CNOT6: variants seen among roughly 807,000 people sequenced by gnomAD.
CNOT6 encodes the protein CCR4-NOT transcription complex subunit 6.
A neutral mutation model predicts 61.2 loss-of-function variants in CNOT6; 12 were observed. The ratio of observed to expected loss-of-function variants is 0.20; its 90% CI spans 0.13 to 0.32. The LOEUF (loss-of-function observed/expected upper bound fraction) is 0.32. CNOT6 is among the 10% of genes least tolerant of loss of function. CNOT6 has a pLI of 1.00. For synonymous variants in CNOT6, 225 were observed against 240.6 expected (o/e 0.94, Z 0.60); for missense variants, 405 against 663.9 (o/e 0.61, Z 4.28).
At chr5:180,522,027 A>C (rs1483798652) in intron 1 of CNOT6, among the ~76,000 whole-genome samples, 3 of 152,164 alleles carry the variant, frequency 2.0e-5, no homozygotes, top group Non-Finnish European at 2.9e-5. Context: ...TTTTGTAGAA[A>C]GATTTATTTT....
At chr5:180,542,667 G>T (rs899035269) in intron 2 of CNOT6, among the ~76,000 whole-genome samples, 1 of 152,114 alleles carries the variant, frequency 6.6e-6, no homozygotes, top group East Asian at 1.9e-4. Flanking sequence ...AATCACCCAC[G>T]TGATTTCAGA....
intron 11 of CNOT6, 134 bp from the exon 12 acceptor site, chr5:180,573,854 C>T: frequency 3.0e-6 from 2 of 658,454 alleles, no homozygotes; most frequent in Non-Finnish European, 5.4e-6. Flanking sequence ...TAGTACAGAC[C>T]TCATCCTACA....
At chr5:180,527,729 T>C (rs1192074653) in intron 1 of CNOT6, among the ~76,000 whole-genome samples, 3 of 152,168 alleles carry the variant, frequency 2.0e-5, no homozygotes, top group South Asian at 2.1e-4. Context: ...AGACTGATCA[T>C]TGGGTTTAGG....
chr5:180,559,181 C>T (rs1760047635), intron 4 of CNOT6, among the ~76,000 whole-genome samples: 3 of 152,114 alleles, frequency 2.0e-5, no homozygotes, highest in East Asian at 3.8e-4. Context: ...AGGTTTTTGT[C>T]GTGTTCTGTC....
chr5:180,504,649 C>T lies in CNOT6; in HGVS notation c.-3+9886C>T, dbSNP rs533883689. 3.0e-4 allele frequency among the ~76,000 whole-genome samples: 46 copies of T among 152,316 alleles called. No homozygotes were observed. In the South Asian group the frequency reaches 4.1e-3, roughly 14 times the overall value. On this transcript the variant is annotated intron_variant, in intron 1 of 11. Transcript: ENST00000261951. ...AAGAGAACAGATTTAGGATTGATGA[C>T]TTCCCCACTGCTTACCTTTTTAATC...
At position 180,567,732 on chromosome 5, in the gene CNOT6, G is replaced by A. The variant is rs976049197; in HGVS notation, c.873-117G>A. 5 of 1,367,740 alleles carry A rather than the reference G, an allele frequency of 3.7e-6. No individual in the cohort carries two copies. In the African/African-American group the frequency reaches 7.2e-5, roughly 20 times the overall value. 84.7% of individuals were successfully genotyped at this position (1,367,740 alleles called of 1,614,324 possible). On this transcript the variant is annotated intron_variant, in intron 8 of 11. Transcript: ENST00000261951. ...CTGAACGTGGAGGATTTTCCGTAAT[G>A]TGATTTAAGTGCCATCGTATCTGTT...
rs184782856 is a variant in CNOT6, at chr5:180,553,211, T to C, written c.300-175T>C. Among the ~76,000 whole-genome samples, 105 of 152,166 alleles carry C rather than the reference T, an allele frequency of 6.9e-4. 1 individual carries two copies. Among genetic ancestry groups the C allele is most frequent in the African/African-American group, 2.4e-3 (100 of 41,518 alleles). ...CTAGTAATTTGTTTCTTGTATTCTC[T>C]GGCAGTTTTTTTTTTTAAACCACAT... On this transcript the variant is annotated intron_variant, in intron 3 of 11. Coordinates refer to ENST00000261951, the MANE Select transcript of CNOT6 (RefSeq NM_001370472.1).
chr5:180,560,366 G>A (rs1341669566), intron 4 of CNOT6, among the ~76,000 whole-genome samples: 9 of 151,984 alleles, frequency 5.9e-5, no homozygotes, highest in African/African-American at 2.2e-4. Context: ...CATTTCCTTT[G>A]TATTTAGAGA....
At chr5:180,549,874 C>T in intron 2 of CNOT6, 57 bp from the exon 3 acceptor site, 1 of 1,303,630 alleles carries the variant, frequency 7.7e-7, no homozygotes, top group Non-Finnish European at 1.1e-6. Flanking sequence ...CTGAAATCTA[C>T]AGAACAAAAT....
At chr5:180,560,919 T>TGG (rs1554102825) in intron 4 of CNOT6, among the ~76,000 whole-genome samples, 5 of 150,740 alleles carry the variant, frequency 3.3e-5, no homozygotes, top group South Asian at 2.1e-4. Flanking sequence ...TTTGTTGTTG[T>TGG]TGGTGGTGGT....
intron 4 of CNOT6, among the ~76,000 whole-genome samples, chr5:180,557,626 A>C (rs534205276): frequency 6.6e-6 from 1 of 152,156 alleles, no homozygotes; most frequent in Non-Finnish European, 1.5e-5. Context: ...CGTTGGTGGA[A>C]TATGTGGTTT....
chr5:180,558,642 T>C (rs946983141), intron 4 of CNOT6, among the ~76,000 whole-genome samples: 1 of 151,640 alleles, frequency 6.6e-6, no homozygotes, highest in Non-Finnish European at 1.5e-5. Context: ...TCCTAGCTTC[T>C]TGAGGCGATA....
chr5:180,560,937 T>C (rs62405547), intron 4 of CNOT6, among the ~76,000 whole-genome samples: 25 of 138,336 alleles, frequency 1.8e-4, no homozygotes, highest in Non-Finnish European at 3.5e-4. Context: ...GGTGGTGGTG[T>C]TGGTCTGTGT....
chr5:180,520,949 A>G (rs890517504), intron 1 of CNOT6, among the ~76,000 whole-genome samples: 20 of 151,518 alleles, frequency 1.3e-4, no homozygotes, highest in Non-Finnish European at 2.6e-4. Context: ...AGTTCAAGCA[A>G]TTCTCCTGCC....
intron 3 of CNOT6, 53 bp from the exon 4 acceptor site, chr5:180,553,333 A>G (rs1759714364): frequency 2.4e-6 from 3 of 1,232,126 alleles, no homozygotes; most frequent in Non-Finnish European, 3.6e-6. Context: ...GTTGATTTTA[A>G]CTGTTAAAGG....
intron 1 of CNOT6, among the ~76,000 whole-genome samples, chr5:180,498,144 A>G (rs1756699829): frequency 6.6e-6 from 1 of 152,130 alleles, no homozygotes; most frequent in Non-Finnish European, 1.5e-5. Flanking sequence ...TGGTACTTGA[A>G]TAAGTAATTA....
chr5:180,514,401 G>A (rs921934400), intron 1 of CNOT6, among the ~76,000 whole-genome samples: 3 of 152,330 alleles, frequency 2.0e-5, no homozygotes, highest in Admixed American at 6.5e-5. Flanking sequence ...CAGCCTAGGC[G>A]AAAGAGCGAA....
At chr5:180,562,310 A>G (rs989101262) in intron 4 of CNOT6, among the ~76,000 whole-genome samples, 3 of 152,178 alleles carry the variant, frequency 2.0e-5, no homozygotes, top group Non-Finnish European at 2.9e-5. Context: ...TCTACCCTAA[A>G]GTAACTTCTC....
At position 180,494,658 on chromosome 5, in the gene CNOT6, TGCA is replaced by T. The variant is rs1756504823; in HGVS notation, c.-102_-100del. ...AGAGGAGCGGCGGCGGTGGCGGCGC[TGCA>T]GCAGCGGGCGGGACTGGTATGGTGG... is the stretch of plus-strand genomic sequence containing the variant. On this transcript the variant is annotated 5_prime_UTR_variant, in exon 1 of 12. Coordinates refer to ENST00000261951, the MANE Select transcript of CNOT6 (RefSeq NM_001370472.1). 2 of 153,072 alleles carry T rather than the reference TGCA, an allele frequency of 1.3e-5. No individual in the cohort carries two copies. The highest frequency in any genetic ancestry group is 5.1e-5 in the African/African-American group (2 of 39,598). 9.5% of individuals were successfully genotyped at this position (153,072 alleles called of 1,614,324 possible).
Sources: allele counts gnomAD v4.1 joint callset (sites outside exome capture counted in the v4.1 genomes callset), GRCh38; gene constraint gnomAD v4.1.1; transcripts MANE v1.5; gene names NCBI Gene and HGNC (gene_info 2026-07-23, HGNC 2026-07-21).